The following DST variants were observed in gnomAD, a reference collection of about 807,000 sequenced individuals.
The protein encoded by DST is dystonin.
Under a neutral mutation model 875.2 loss-of-function variants are expected in DST, and 253 were observed. The ratio of observed to expected loss-of-function variants is 0.29; its 90% CI spans 0.26 to 0.32. The LOEUF (loss-of-function observed/expected upper bound fraction) is 0.32, where lower values mean the gene tolerates loss of function less well. Ranked by LOEUF, DST falls within the 10% of genes least tolerant of loss-of-function variation. The pLI, the probability that DST is intolerant of heterozygous loss-of-function variation, is 1.00. For missense variants in DST, 8,287 were observed against 9,111.6 expected, an observed-to-expected ratio of 0.91 and a Z score of 3.68; for synonymous variants, 3,124 against 3,197.1, an observed-to-expected ratio of 0.98 and a Z score of 0.77.
chr6:56,721,014 C>T (rs1284603695), intron 5 of DST, among the ~76,000 whole-genome samples: 4 of 139,786 alleles, frequency 2.9e-5, no homozygotes, highest in East Asian at 3.9e-4. Flanking sequence ...GGCTGCCGGG[C>T]GGGGGCAGCC....
intron 4 of DST, among the ~76,000 whole-genome samples, chr6:56,791,269 CAAAT>C (rs1412603956): frequency 6.6e-6 from 1 of 152,050 alleles, no homozygotes; most frequent in Non-Finnish European, 1.5e-5. Flanking sequence ...AAAAAACAAA[CAAAT>C]AAACAAACAA....
intron 61 of DST, among the ~76,000 whole-genome samples, chr6:56,540,009 G>A (rs561955684): frequency 6.6e-6 from 1 of 152,150 alleles, no homozygotes; most frequent in African/African-American, 2.4e-5. Context: ...CCTTCTAAAT[G>A]AAGGGGAATG....
chr6:56,542,156 G>A (rs1176813233), intron 61 of DST, among the ~76,000 whole-genome samples: 2 of 151,226 alleles, frequency 1.3e-5, no homozygotes, highest in Admixed American at 6.6e-5. Flanking sequence ...TCACATCAAG[G>A]CACAGAACAA....
chr6:56,868,832 G>A (rs1314353870), intron 3 of DST, among the ~76,000 whole-genome samples: 2 of 152,150 alleles, frequency 1.3e-5, no homozygotes, highest in African/African-American at 2.4e-5. Flanking sequence ...TGACAAATAT[G>A]TACTGAAATT....
At chr6:56,914,605 C>T (rs1800076937) in intron 2 of DST, among the ~76,000 whole-genome samples, 1 of 152,146 alleles carries the variant, frequency 6.6e-6, no homozygotes, top group Admixed American at 6.5e-5. Context: ...GAGGGCACTC[C>T]CCAATAAATC....
intron 49 of DST, among the ~76,000 whole-genome samples, chr6:56,582,269 A>T (rs1442840735): frequency 6.6e-6 from 1 of 152,164 alleles, no homozygotes; most frequent in African/African-American, 2.4e-5. Flanking sequence ...TTCAAGGGAG[A>T]ACCTGGTGGG....
At chr6:56,730,132 T>C (rs893388476) in intron 5 of DST, among the ~76,000 whole-genome samples, 1 of 152,184 alleles carries the variant, frequency 6.6e-6, no homozygotes, top group African/African-American at 2.4e-5. Flanking sequence ...AGAATATATT[T>C]CCACCATAAA....
chr6:56,528,288 A>G (rs1361459450), intron 67 of DST, among the ~76,000 whole-genome samples: 1 of 152,170 alleles, frequency 6.6e-6, no homozygotes, highest in Non-Finnish European at 1.5e-5. Context: ...ACTTGCCCCC[A>G]ACATACACAT....
intron 4 of DST, among the ~76,000 whole-genome samples, chr6:56,840,179 T>TAA (rs2099798295): frequency 6.6e-6 from 1 of 152,148 alleles, no homozygotes; most frequent in Non-Finnish European, 1.5e-5. Context: ...ATTCCAATGA[T>TAA]AAACTCAAAA....
intron 4 of DST, among the ~76,000 whole-genome samples, chr6:56,779,321 C>T (rs1188483058): frequency 6.6e-6 from 1 of 151,926 alleles, no homozygotes; most frequent in Admixed American, 6.6e-5. Context: ...AAAATTTCTC[C>T]CATTCTGTAG....
chr6:56,660,223 G>A (rs142797771), intron 10 of DST, among the ~76,000 whole-genome samples: 2 of 152,164 alleles, frequency 1.3e-5, no homozygotes, highest in South Asian at 2.1e-4. Flanking sequence ...TCCTGTGTGG[G>A]GACATGCACA....
intron 89 of DST, 141 bp downstream of exon 89, chr6:56,482,542 G>T: frequency 1.3e-6 from 1 of 784,770 alleles, no homozygotes; most frequent in Non-Finnish European, 1.9e-6. Flanking sequence ...GAAGGATCAA[G>T]GCAATGTTGC....
Position 56,938,104 on chromosome 6 carries a change from C to A in DST, c.216+15681G>T, listed in dbSNP as rs1171606044. Among the ~76,000 whole-genome samples the A allele has an allele frequency of 4.7e-4, 27 of 57,438 alleles. No homozygotes were observed. The South Asian group carries it at 0.028, about 60-fold the overall frequency. The allele number at this position is 57,438 out of a possible 152,430, so 37.7% of individuals were successfully genotyped here. A position where few individuals can be genotyped will look rare whatever the true frequency, so the allele number is the denominator to read the frequency against. On this transcript the variant is annotated intron_variant, in intron 2 of 103. Coordinates refer to ENST00000680361, the MANE Select transcript of DST (RefSeq NM_001374736.1). The stretch of plus-strand genomic sequence containing the variant: ...TCTTTCTCTCTCTCTCTCTCTCTCT[C>A]TCTCTATATATATATATATATATAT...
At chr6:56,950,796 G>A (rs1821911131) in intron 2 of DST, among the ~76,000 whole-genome samples, 1 of 152,138 alleles carries the variant, frequency 6.6e-6, no homozygotes, top group South Asian at 2.1e-4. Context: ...TGCTATTTAT[G>A]AACATTTAGA....
intron 30 of DST, 127 bp from the exon 31 acceptor site, chr6:56,630,510 T>C (rs1297368199): frequency 1.2e-6 from 1 of 855,052 alleles, no homozygotes; most frequent in Non-Finnish European, 1.8e-6. Context: ...ATACATTTAC[T>C]ATGAAACTGA....
chr6:56,811,043 G>C (rs2099759315), intron 4 of DST, among the ~76,000 whole-genome samples: 2 of 151,840 alleles, frequency 1.3e-5, no homozygotes, highest in South Asian at 4.2e-4. Flanking sequence ...ATTTAGCCAG[G>C]CATGGTGGCA....
Position 56,625,239 on chromosome 6 carries a change from T to C in DST, c.4748A>G (p.Tyr1583Cys), listed in dbSNP as rs2098722917. ...TTGTTGTGAATCTACCATGGCCCGGTAGGTCATTGTTTGTAATTCATAGTC... is the reference window on the plus strand; with the variant it reads ...TTGTTGTGAATCTACCATGGCCCGGCAGGTCATTGTTTGTAATTCATAGTC... ...VKDYELQTMT[Y>C]RAMVDSQQKS... The change falls in exon 35 of 104, where the codon TAC (tyrosine) becomes TGC (cysteine). Residue 1583 changes from tyrosine (Y) to cysteine (C), a missense_variant. Physicochemically the swap from Tyr to Cys is radical, Grantham distance 194 (BLOSUM62 -2). Transcript: ENST00000680361. 6.2e-7 allele frequency: 1 copy of C among 1,613,060 alleles called. No individual in the cohort carries two copies. Among genetic ancestry groups the C allele is most frequent in the Admixed American group, 1.7e-5 (1 of 59,982 alleles).
intron 2 of DST, among the ~76,000 whole-genome samples, chr6:56,921,950 T>C (rs1804479170): frequency 6.6e-6 from 1 of 152,184 alleles, no homozygotes; most frequent in Non-Finnish European, 1.5e-5. Flanking sequence ...ATAGCCCCCA[T>C]TAAATGCTAA....
At position 56,574,033 on chromosome 6, in the gene DST, GAAC is replaced by G. The variant is rs1427518475; in HGVS notation, c.13028-149_13028-147del. The G allele has an allele frequency of 1.5e-5, 8 of 546,484 alleles. No individual in the cohort carries two copies. The East Asian group carries it at 2.1e-4, about 14-fold the overall frequency. The allele number at this position is 546,484 out of a possible 1,614,324, so 33.9% of individuals were successfully genotyped here. On this transcript the variant is annotated intron_variant, in intron 50 of 103. Transcript: ENST00000680361. ...ATGATAAATTCCTAATGCATAATCA[GAAC>G]ACCACCTAAAATGTTAAAATATAAA...
Sources: allele counts gnomAD v4.1 joint callset (sites outside exome capture counted in the v4.1 genomes callset), GRCh38; gene constraint gnomAD v4.1.1; transcripts MANE v1.5; gene names NCBI Gene and HGNC (gene_info 2026-07-23, HGNC 2026-07-21).